Variants in RASEF observed in about 807,000 individuals in gnomAD.
RASEF encodes RAS and EF-hand domain containing, also known as ras and EF-hand domain-containing protein.
A neutral mutation model predicts 90.1 loss-of-function variants in RASEF; 68 were observed. The observed-to-expected ratio is 0.75, with a 90% CI of 0.62 to 0.92. The LOEUF (loss-of-function observed/expected upper bound fraction) is 0.92, where lower values mean the gene tolerates loss of function less well. Among genes scored for constraint, RASEF ranks in the 40% least tolerant of loss-of-function variants. The pLI, the probability that RASEF is intolerant of heterozygous loss-of-function variation, is 0.00. For synonymous variants in RASEF, 331 were observed against 345.2 expected, an observed-to-expected ratio of 0.96 and a Z score of 0.46; for missense variants, 949 against 937.2, an observed-to-expected ratio of 1.01 and a Z score of -0.16.
chr9:83,014,442 A>G (rs1257554997), intron 4 of RASEF, among the ~76,000 whole-genome samples: 1 of 152,068 alleles, frequency 6.6e-6, no homozygotes, highest in Non-Finnish European at 1.5e-5. Context: ...CTGGGACTAC[A>G]GGCATGTGCT....
intron 1 of RASEF, among the ~76,000 whole-genome samples, chr9:83,031,085 C>T (rs544422101): frequency 1.3e-5 from 2 of 152,198 alleles, no homozygotes; most frequent in East Asian, 1.9e-4. Flanking sequence ...CTGTCAGATA[C>T]GTAAGAAAAA....
the RASEF span, among the ~76,000 whole-genome samples, chr9:83,092,002 TC>T: frequency 4.5e-5 from 6 of 133,378 alleles, no homozygotes; most frequent in South Asian, 2.4e-4. Flanking sequence ...TTCTTTTATT[TC>T]TTTTTTTTTT....
the RASEF span, among the ~76,000 whole-genome samples, chr9:83,073,671 C>G: frequency 6.6e-6 from 1 of 152,192 alleles, no homozygotes; most frequent in Non-Finnish European, 1.5e-5. Flanking sequence ...ACATATAAAG[C>G]CACTGTGCAT....
chr9:82,985,524 T>C (rs1217215688), intron 16 of RASEF, among the ~76,000 whole-genome samples: 2 of 152,154 alleles, frequency 1.3e-5, no homozygotes. Flanking sequence ...ATCAGCCACA[T>C]GCTAAGGAGC....
chr9:83,110,079 A>G, the RASEF span, among the ~76,000 whole-genome samples: 11 of 152,234 alleles, frequency 7.2e-5, no homozygotes, highest in African/African-American at 2.4e-4. Context: ...AAATTAAATG[A>G]CCAAAACTCC....
the RASEF span, among the ~76,000 whole-genome samples, chr9:83,184,004 C>G: frequency 1.3e-5 from 2 of 152,180 alleles, no homozygotes; most frequent in South Asian, 4.1e-4. Flanking sequence ...TGCACTTCAA[C>G]AAGTTCCCAG....
At chr9:83,085,388 C>T in the RASEF span, among the ~76,000 whole-genome samples, 1 of 152,200 alleles carries the variant, frequency 6.6e-6, no homozygotes, top group African/African-American at 2.4e-5. Context: ...AATCCCAGCA[C>T]TTTGGGAGGC....
At chr9:83,217,861 A>G in the RASEF span, among the ~76,000 whole-genome samples, 1 of 152,192 alleles carries the variant, frequency 6.6e-6, no homozygotes, top group Admixed American at 6.5e-5. Context: ...GGGATAAAAT[A>G]TCTTAGGTGT....
At chr9:83,052,805 A>T (rs1219864128) in intron 1 of RASEF, among the ~76,000 whole-genome samples, 1 of 132,106 alleles carries the variant, frequency 7.6e-6, no homozygotes, top group Non-Finnish European at 1.6e-5. Flanking sequence ...TTATGTACCC[A>T]GTAGTCATTC....
chr9:83,145,575 T>C, the RASEF span, among the ~76,000 whole-genome samples: 1 of 152,080 alleles, frequency 6.6e-6, no homozygotes, highest in Non-Finnish European at 1.5e-5. Context: ...GGTTGGTCTA[T>C]TGACAGAGCC....
chr9:83,073,753 A>G, the RASEF span, among the ~76,000 whole-genome samples: 4 of 152,252 alleles, frequency 2.6e-5, no homozygotes, highest in African/African-American at 7.2e-5. Context: ...TGATATGTTG[A>G]GTGGCTAAAG....
the RASEF span, among the ~76,000 whole-genome samples, chr9:83,124,019 G>T: frequency 6.6e-6 from 1 of 152,144 alleles, no homozygotes; most frequent in Non-Finnish European, 1.5e-5. Context: ...GACTACTCTA[G>T]GTACCTCATG....
the RASEF span, among the ~76,000 whole-genome samples, chr9:83,135,296 A>G: frequency 2.6e-5 from 4 of 152,070 alleles, no homozygotes; most frequent in Non-Finnish European, 4.4e-5. Flanking sequence ...GAATTGAACA[A>G]TGAGAACACT....
chr9:83,131,790 T>C, the RASEF span, among the ~76,000 whole-genome samples: 1 of 152,188 alleles, frequency 6.6e-6, no homozygotes, highest in African/African-American at 2.4e-5. Flanking sequence ...TTTAAAATAA[T>C]GGTACCTTTT....
chr9:83,005,161 C>T (rs1181161964), intron 8 of RASEF, among the ~76,000 whole-genome samples: 1 of 152,182 alleles, frequency 6.6e-6, no homozygotes, highest in Non-Finnish European at 1.5e-5. Flanking sequence ...AAGATCCCAT[C>T]TTACACACCT....
chr9:83,134,628 A>G, the RASEF span, among the ~76,000 whole-genome samples: 3 of 152,090 alleles, frequency 2.0e-5, no homozygotes, highest in Non-Finnish European at 4.4e-5. Context: ...AAGTAAACAA[A>G]AGAAGAAAGT....
chr9:83,044,911 A>G (rs910385373), intron 1 of RASEF, among the ~76,000 whole-genome samples: 2 of 152,130 alleles, frequency 1.3e-5, no homozygotes, highest in Non-Finnish European at 2.9e-5. Context: ...TAAAGACCTT[A>G]ACAGAACAAA....
At chr9:83,204,665 G>A in the RASEF span, among the ~76,000 whole-genome samples, 1 of 152,174 alleles carries the variant, frequency 6.6e-6, no homozygotes, top group East Asian at 1.9e-4. Flanking sequence ...AGCACATGAT[G>A]ACTATAATTT....
chr9:83,144,683 TGCACAAAAGGAAACA>T, the RASEF span, among the ~76,000 whole-genome samples: 1 of 152,122 alleles, frequency 6.6e-6, no homozygotes, highest in Non-Finnish European at 1.5e-5. Context: ...AGACAGCTGG[TGCACAAAAGGAAACA>T]GCACCCAGAA....
Sources: gnomAD v4.1 joint callset for allele counts (sites outside exome capture counted in the v4.1 genomes callset) on GRCh38, gnomAD v4.1.1 for gene constraint, MANE v1.5 for transcripts, NCBI Gene and HGNC (gene_info 2026-07-23, HGNC 2026-07-21) for gene names.